DCP1B: variants seen among roughly 807,000 people sequenced by gnomAD.
DCP1B encodes the protein decapping mRNA 1B.
DCP1B carries 47 observed loss-of-function variants against 60.5 expected under a neutral mutation model. The ratio of observed to expected loss-of-function variants is 0.78; its 90% CI spans 0.61 to 0.99. The LOEUF is 0.99. DCP1B is among the 50% of genes least tolerant of loss of function. The pLI, the probability that DCP1B is intolerant of heterozygous loss-of-function variation, is 0.00. For missense variants in DCP1B, 725 were observed against 756.8 expected, an observed-to-expected ratio of 0.96 and a Z score of 0.49; for synonymous variants, 267 against 280.3, an observed-to-expected ratio of 0.95 and a Z score of 0.47.
chr12:1,999,502 G>A (rs536519367), intron 1 of DCP1B, among the ~76,000 whole-genome samples: 1 of 152,268 alleles, frequency 6.6e-6, no homozygotes, highest in East Asian at 1.9e-4. Context: ...GATCGCTTGT[G>A]GCCAGGAGTT....
At chr12:1,975,656 T>TAC (rs1248179646) in intron 3 of DCP1B, among the ~76,000 whole-genome samples, 1 of 152,186 alleles carries the variant, frequency 6.6e-6, no homozygotes, top group Non-Finnish European at 1.5e-5. Flanking sequence ...AGATGCAGCG[T>TAC]ATCAATCTGA....
intron 3 of DCP1B, among the ~76,000 whole-genome samples, chr12:1,989,422 G>T (rs1277242775): frequency 1.3e-5 from 2 of 151,936 alleles, no homozygotes; most frequent in Non-Finnish European, 2.9e-5. Context: ...AAGGGAAAGG[G>T]AAAGGAAAGG....
Position 1,971,881 on chromosome 12 carries a change from A to C in DCP1B, c.320-3971T>G, listed in dbSNP as rs2032441056. Among the ~76,000 whole-genome samples the C allele has an allele frequency of 6.6e-6, 1 of 152,204 alleles. No homozygotes were observed. The highest frequency in any genetic ancestry group is 6.5e-5 in the Admixed American group (1 of 15,278). On this transcript the variant is annotated intron_variant, in intron 3 of 8. Transcript: ENST00000280665. This position sits in a 1 kb window ranked among gnomAD's most constrained non-coding sequence, Gnocchi z 4.2. ...TTACCCAAATACCATACAACTCCAA[A>C]TCATGAATGATAGCTTGTAATCGTC...
chr12:1,979,442 G>T (rs1164415455), intron 3 of DCP1B, among the ~76,000 whole-genome samples: 1 of 151,832 alleles, frequency 6.6e-6, no homozygotes, highest in African/African-American at 2.4e-5. Flanking sequence ...CTCCCCAGTA[G>T]CTGGGATCAC....
intron 3 of DCP1B, among the ~76,000 whole-genome samples, chr12:1,975,732 CA>C (rs2034135129): frequency 1.3e-5 from 2 of 152,282 alleles, no homozygotes; most frequent in Non-Finnish European, 2.9e-5. Flanking sequence ...TAGGATAAAA[CA>C]AGTGACTTTA....
chr12:1,984,263 C>G (rs771594140), intron 3 of DCP1B, among the ~76,000 whole-genome samples: 1 of 151,872 alleles, frequency 6.6e-6, no homozygotes, highest in African/African-American at 2.4e-5. Context: ...GTAGGTCTAC[C>G]GTTTTATTTT....
intron 3 of DCP1B, chr12:1,991,863 G>T (rs904215565): frequency 1.9e-5 from 3 of 159,532 alleles, no homozygotes; most frequent in African/African-American, 7.2e-5. Flanking sequence ...ACCTATAACT[G>T]ATCAGACCAT....
chr12:1,993,919 C>T (rs552164967), intron 2 of DCP1B, among the ~76,000 whole-genome samples: 15 of 152,320 alleles, frequency 9.8e-5, no homozygotes, highest in African/African-American at 3.6e-4. Flanking sequence ...GAACAATGAA[C>T]TTGTGAGGAC....
chr12:1,972,442 T>C (rs144213278), intron 3 of DCP1B, among the ~76,000 whole-genome samples: 1 of 152,204 alleles, frequency 6.6e-6, no homozygotes, highest in Non-Finnish European at 1.5e-5. Context: ...GTAGTACACA[T>C]GCACACACAG....
At chr12:1,988,228 T>C (rs2038356269) in intron 3 of DCP1B, among the ~76,000 whole-genome samples, 1 of 152,242 alleles carries the variant, frequency 6.6e-6, no homozygotes, top group Non-Finnish European at 1.5e-5. Flanking sequence ...GGGTCATTGT[T>C]ACCTCTGTGC....
At chr12:1,955,669 T>C (rs113265929) in intron 5 of DCP1B, 109 bp from the exon 6 acceptor site, 41,391 of 1,246,306 alleles carry the variant, frequency 0.033, 848 homozygotes, top group Middle Eastern at 0.069. Flanking sequence ...GTGTTTTTGA[T>C]AGATTTTCAT....
intron 3 of DCP1B, among the ~76,000 whole-genome samples, chr12:1,968,228 C>T (rs911486241): frequency 6.6e-6 from 1 of 151,636 alleles, no homozygotes; most frequent in Non-Finnish European, 1.5e-5. Context: ...GGCGGGCGTC[C>T]ATAATCCCAG....
rs987430130 is a variant in DCP1B at position 1,948,569 on chromosome 12, C to T, written c.1773+517G>A. 4.6e-5 allele frequency among the ~76,000 whole-genome samples: 7 copies of T among 152,336 alleles called. No homozygotes were observed. The highest frequency in any genetic ancestry group is 1.0e-4 in the Non-Finnish European group (7 of 68,032). On this transcript the variant is annotated intron_variant, in intron 8 of 8. Coordinates refer to ENST00000280665, the MANE Select transcript of DCP1B (RefSeq NM_152640.5). This position sits in a 1 kb window ranked among gnomAD's most constrained non-coding sequence, Gnocchi z 4.8. ...GTGAGGCTAGCAGCTCACAAGGAGTCCTGTCACTCCATCCCGTCCTAATGA... is the reference window on the plus strand; with the variant it reads ...GTGAGGCTAGCAGCTCACAAGGAGTTCTGTCACTCCATCCCGTCCTAATGA...
chr12:1,972,818 A>G (rs866311549), intron 3 of DCP1B, among the ~76,000 whole-genome samples: 1 of 151,812 alleles, frequency 6.6e-6, no homozygotes, highest in Non-Finnish European at 1.5e-5. Context: ...GGGAGGGGGG[A>G]GATCAGTGAG....
chr12:1,943,028 A>C (rs760911261), downstream of DCP1B, among the ~76,000 whole-genome samples: 18 of 152,212 alleles, frequency 1.2e-4, no homozygotes, highest in Non-Finnish European at 2.4e-4. Context: ...TGAAAAGATT[A>C]ACAAAATAGA....
At position 2,004,373 on chromosome 12, in the gene DCP1B, G is replaced by C. The variant is rs368006315; in HGVS notation, c.59C>G (p.Ala20Gly). 1.9e-6 allele frequency: 3 copies of C among 1,613,008 alleles called. No individual in the cohort carries two copies. The highest frequency in any genetic ancestry group is 2.5e-6 in the Non-Finnish European group (3 of 1,179,852). The part of the protein sequence containing the change: ...VGKGRDISLA[A>G]LQRHDPYINR... ...GATATAGGGGTCGTGGCGCTGCAGG[G>C]CCGCTAGGCTGATGTCGCGCCCCTT... is the stretch of plus-strand genomic sequence containing the variant. Residue 20 changes from alanine (A) to glycine (G), a missense_variant, in exon 1 of 9, where the codon GCC becomes GGC. Physicochemically the swap from Ala to Gly is moderately conservative, Grantham distance 60. Coordinates refer to ENST00000280665, the MANE Select transcript of DCP1B (RefSeq NM_152640.5).
Position 1,952,444 on chromosome 12 carries a change from T to A in DCP1B, c.1496A>T (p.Asn499Ile), listed in dbSNP as rs925280527. The change falls in exon 7 of 9, where the codon AAC (asparagine) becomes ATC (isoleucine). Residue 499 changes from asparagine (N) to isoleucine (I), a missense_variant. Transcript: ENST00000280665. The stretch of plus-strand genomic sequence containing the variant: ...GAAAAGAGGAGTCTGCTGTTCTGTG[T>A]TGGGTGTCTTGTTGATCCAGGATTC... ...PLESWINKTP[N>I]TEQQTPLFQV... is the part of the protein sequence containing the mutation. 1 of 1,607,334 alleles carries A rather than the reference T, an allele frequency of 6.2e-7. No individual in the cohort carries two copies. The highest frequency in any genetic ancestry group is 1.1e-5 in the South Asian group (1 of 90,522).
Position 1,951,123 on chromosome 12 carries a change from A to C in DCP1B, c.1524+1293T>G, listed in dbSNP as rs149299307. 7.6e-3 allele frequency among the ~76,000 whole-genome samples: 1,151 copies of C among 152,144 alleles called. 11 individuals carry two copies. The highest frequency in any genetic ancestry group is 0.026 in the African/African-American group (1,091 of 41,484). ...CTCGTCTCTACTAAAAAAATACAAA[A>C]AATTAGCCAGGTGTGGTGGCAGGTG... On this transcript the variant is annotated intron_variant, in intron 7 of 8. Transcript: ENST00000280665.
In DCP1B at chr12:1,965,617, C is replaced by T; in HGVS notation, c.463G>A (p.Glu155Lys). Residue 155 changes from glutamate to lysine, a missense_variant, in exon 5 of 9, where the codon GAG (glutamate) becomes AAG (lysine). Glu to Lys is a moderately conservative substitution (Grantham distance 56, BLOSUM62 1). Transcript: ENST00000280665. ...GISPVILNSG[E>K]GKEVDILRML... ...CGTAAAATGTCTACTTCTTTGCCCT[C>T]TCCTGAATTGAGGATCACTGGGGAA... The T allele has an allele frequency of 6.2e-7, 1 of 1,614,030 alleles. No individual in the cohort carries two copies. The highest frequency in any genetic ancestry group is 1.3e-5 in the African/African-American group (1 of 75,030).
Sources: gnomAD v4.1 joint callset for allele counts (sites outside exome capture counted in the v4.1 genomes callset) on GRCh38, gnomAD v4.1.1 for gene constraint, Gnocchi (gnomAD v3.1) non-coding constraint, MANE v1.5 for transcripts, NCBI Gene and HGNC (gene_info 2026-07-23, HGNC 2026-07-21) for gene names.